Variants in PDE8B observed in about 807,000 individuals in gnomAD.
PDE8B encodes phosphodiesterase 8B.
A neutral mutation model predicts 101.3 loss-of-function variants in PDE8B; 26 were observed. The observed-to-expected ratio is 0.26, with a 90% confidence interval of 0.19 to 0.36. The LOEUF (loss-of-function observed/expected upper bound fraction) is 0.36, where lower values mean the gene tolerates loss of function less well. Ranked by LOEUF, PDE8B falls within the 10% of genes least tolerant of loss-of-function variation. The probability of loss-of-function intolerance (pLI) is 1.00; values close to 1 mark genes in which losing one functional copy is unlikely to be tolerated. For synonymous variants in PDE8B, 424 were observed against 429.3 expected (o/e 0.99, Z 0.15); for missense variants, 810 against 1,163.1 (o/e 0.70, Z 4.42).
At chr5:77,332,156 A>G (rs1777260162) in intron 5 of PDE8B, among the ~76,000 whole-genome samples, 1 of 152,200 alleles carries the variant, frequency 6.6e-6, no homozygotes, top group South Asian at 2.1e-4. Flanking sequence ...GGAGGAGGAA[A>G]AAGATTATCA....
the PDE8B span, among the ~76,000 whole-genome samples, chr5:77,132,161 G>A: frequency 1.3e-5 from 2 of 152,184 alleles, no homozygotes; most frequent in South Asian, 2.1e-4. Context: ...ATTTATCAGA[G>A]TAATATATGT....
chr5:77,137,952 T>C, the PDE8B span, among the ~76,000 whole-genome samples: 1 of 151,964 alleles, frequency 6.6e-6, no homozygotes, highest in African/African-American at 2.4e-5. Context: ...GCACTGGAAA[T>C]AAGCATGGTT....
chr5:77,215,125 G>A (rs967427329), intron 1 of PDE8B, among the ~76,000 whole-genome samples: 3 of 152,138 alleles, frequency 2.0e-5, no homozygotes, highest in Non-Finnish European at 4.4e-5. Context: ...AAGTCTGTAA[G>A]TGAGGAGTGT....
At chr5:77,249,025 TC>T (rs1757533679) in intron 1 of PDE8B, among the ~76,000 whole-genome samples, 1 of 152,238 alleles carries the variant, frequency 6.6e-6, no homozygotes, top group African/African-American at 2.4e-5. Flanking sequence ...AAGATAAATT[TC>T]TGTTGTTTAA....
chr5:77,212,430 A>G (rs1420216099), intron 1 of PDE8B, among the ~76,000 whole-genome samples: 1 of 150,394 alleles, frequency 6.6e-6, no homozygotes, highest in East Asian at 2.1e-4. Context: ...TGGAAGTCCA[A>G]AAGTTTTTTA....
At chr5:77,165,447 T>G in the PDE8B span, 1 of 152,236 alleles carries the variant, frequency 6.6e-6, no homozygotes, top group African/African-American at 2.4e-5. Context: ...GTGGAACATC[T>G]AACCTCTTCG....
rs192636020 is a variant in PDE8B at position 77,418,676 on chromosome 5, C to A, written c.2129+230C>A. On this transcript the variant is annotated intron_variant, in intron 18 of 21. Coordinates refer to ENST00000264917, the MANE Select transcript of PDE8B (RefSeq NM_003719.5). Reference sequence around the variant, plus strand: ...ATGTTTTATACACTGCAGAACACTACATAAATATTGATTGTACTATTACTA... The same window carrying A: ...ATGTTTTATACACTGCAGAACACTAAATAAATATTGATTGTACTATTACTA... Among the ~76,000 whole-genome samples, 5 of 152,226 alleles carry A rather than the reference C, an allele frequency of 3.3e-5. No homozygotes were observed. The East Asian group carries it at 9.6e-4, about 29-fold the overall frequency.
At chr5:77,374,928 C>G (rs1430010868) in intron 10 of PDE8B, among the ~76,000 whole-genome samples, 2 of 152,178 alleles carry the variant, frequency 1.3e-5, no homozygotes, top group Non-Finnish European at 2.9e-5. Context: ...CAGTAGGTGT[C>G]TTTGCCTACA....
chr5:77,160,331 T>G, the PDE8B span, among the ~76,000 whole-genome samples: 3 of 152,164 alleles, frequency 2.0e-5, no homozygotes, highest in Admixed American at 1.3e-4. Flanking sequence ...TATACCAAAA[T>G]CTGCACGTAC....
At position 77,238,889 on chromosome 5, in the gene PDE8B, T is replaced by C. The variant is rs183480957; in HGVS notation, c.339+27625T>C. Among the ~76,000 whole-genome samples, 11 of 152,348 alleles carry C rather than the reference T, an allele frequency of 7.2e-5. No individual in the cohort carries two copies. In the East Asian group the frequency reaches 2.1e-3, roughly 29 times the overall value. ...AATTTGCCCTTCTTCTGCCCTTTTG[T>C]TCTTTTCAGGCCTTCAACAGATTGT... On this transcript the variant is annotated intron_variant, in intron 1 of 21. Transcript: ENST00000264917.
chr5:77,176,254 T>C, the PDE8B span, among the ~76,000 whole-genome samples: 1 of 152,116 alleles, frequency 6.6e-6, no homozygotes, highest in African/African-American at 2.4e-5. Context: ...AAGCTGTGAA[T>C]GGGGTGAAGT....
chr5:77,137,007 G>A, the PDE8B span, among the ~76,000 whole-genome samples: 36 of 152,202 alleles, frequency 2.4e-4, no homozygotes, highest in African/African-American at 6.7e-4. Flanking sequence ...TTGAGAGTTC[G>A]TACAGGACAA....
chr5:77,323,383 C>A (rs797007881), intron 2 of PDE8B, among the ~76,000 whole-genome samples: 11 of 152,200 alleles, frequency 7.2e-5, no homozygotes, highest in African/African-American at 2.6e-4. Flanking sequence ...TATAATATAT[C>A]CAGATATTTA....
At position 77,210,753 on chromosome 5, in the gene PDE8B, G is replaced by A; in HGVS notation, c.-173G>A. On this transcript the variant is annotated 5_prime_UTR_variant, in exon 1 of 22. Transcript: ENST00000264917. This position sits in a 1 kb window ranked among gnomAD's most constrained non-coding sequence, Gnocchi z 4.9. ...AGTTGGGGTGACGCGCGCGGTCCCC[G>A]GAGGCTCGGCGGGGGGCACCGCGGC... 1 of 982,284 alleles carries A rather than the reference G, an allele frequency of 1.0e-6. No homozygotes were observed. The highest frequency in any genetic ancestry group is 5.2e-4 in the Middle Eastern group (1 of 1,912). 60.8% of individuals were successfully genotyped at this position (982,284 alleles called of 1,614,324 possible).
chr5:77,411,575 G>C (rs1794564380), intron 14 of PDE8B, 101 bp from the exon 15 acceptor site: 6 of 906,154 alleles, frequency 6.6e-6, no homozygotes, highest in South Asian at 5.6e-5. Flanking sequence ...CAGATTGGTT[G>C]GGTTATTCAG....
intron 1 of PDE8B, among the ~76,000 whole-genome samples, chr5:77,238,504 A>T (rs1755128801): frequency 6.6e-6 from 1 of 152,212 alleles, no homozygotes; most frequent in Non-Finnish European, 1.5e-5. Flanking sequence ...AATTTTTTAT[A>T]ATAATTGCTT....
intron 1 of PDE8B, among the ~76,000 whole-genome samples, chr5:77,296,557 A>G (rs574347093): frequency 6.6e-6 from 1 of 152,196 alleles, no homozygotes; most frequent in Non-Finnish European, 1.5e-5. Context: ...TTAGAACCAA[A>G]CAGAGATTTC....
intron 1 of PDE8B, chr5:77,291,245 C>T (rs879207247): frequency 3.9e-5 from 63 of 1,611,790 alleles, no homozygotes; most frequent in Non-Finnish European, 5.2e-5. Context: ...AAAAGGCCTA[C>T]GCACAGATCC....
the PDE8B span, among the ~76,000 whole-genome samples, chr5:77,159,422 A>G: frequency 6.6e-5 from 10 of 152,196 alleles, no homozygotes; most frequent in Non-Finnish European, 1.5e-4. Flanking sequence ...CTAGTTTTCC[A>G]GCCTACATCT....
Sources: allele counts gnomAD v4.1 joint callset (sites outside exome capture counted in the v4.1 genomes callset), GRCh38; gene constraint gnomAD v4.1.1; non-coding constraint Gnocchi (gnomAD v3.1); transcripts MANE v1.5; gene names NCBI Gene and HGNC (gene_info 2026-07-23, HGNC 2026-07-21).